The following L3MBTL4 variants were observed in gnomAD, a reference collection of about 807,000 sequenced individuals.
L3MBTL4 encodes the protein L3MBTL histone methyl-lysine binding protein 4.
A neutral mutation model predicts 84.5 loss-of-function variants in L3MBTL4; 70 were observed. The ratio of observed to expected loss-of-function variants is 0.83; its 90% CI spans 0.68 to 1.01. L3MBTL4 has a LOEUF of 1.01. L3MBTL4 is among the 50% of genes least tolerant of loss of function. The probability of loss-of-function intolerance (pLI) is 0.00; values close to 1 mark genes in which losing one functional copy is unlikely to be tolerated. For synonymous variants in L3MBTL4, 274 were observed against 259.8 expected (o/e 1.05, Z -0.52); for missense variants, 715 against 754.8 (o/e 0.95, Z 0.62).
chr18:6,246,711 C>G (rs2047678836), intron 5 of L3MBTL4, among the ~76,000 whole-genome samples: 1 of 152,160 alleles, frequency 6.6e-6, no homozygotes, highest in Admixed American at 6.6e-5. Flanking sequence ...CGAGACCAGC[C>G]TGGCCAACAT....
intron 16 of L3MBTL4, among the ~76,000 whole-genome samples, chr18:5,974,956 T>C (rs928807358): frequency 2.0e-5 from 3 of 151,918 alleles, no homozygotes; most frequent in African/African-American, 7.3e-5. Flanking sequence ...AGAGAAACCC[T>C]GTCTCTATTG....
intron 10 of L3MBTL4, among the ~76,000 whole-genome samples, chr18:6,216,069 TTAAG>T (rs2145831303): frequency 6.6e-6 from 1 of 152,236 alleles, no homozygotes; most frequent in East Asian, 1.9e-4. Context: ...CTCAACAAGG[TTAAG>T]TGAGTTGGCC....
At chr18:6,276,716 T>G (rs1251654354) in intron 4 of L3MBTL4, among the ~76,000 whole-genome samples, 1 of 108,160 alleles carries the variant, frequency 9.2e-6, no homozygotes, top group Non-Finnish European at 1.9e-5. Context: ...AGACAGACAA[T>G]AAACAAGACA....
chr18:6,153,421 T>A (rs2042974659), intron 13 of L3MBTL4, among the ~76,000 whole-genome samples: 1 of 152,230 alleles, frequency 6.6e-6, no homozygotes, highest in Admixed American at 6.5e-5. Context: ...AGCAGGCAGA[T>A]ATTTCACCTC....
rs548149245 is a variant in L3MBTL4 at position 5,997,088 on chromosome 18, A to G, written c.1445-27526T>C. On this transcript the variant is annotated intron_variant, in intron 16 of 18. Coordinates refer to ENST00000317931, the MANE Select transcript of L3MBTL4 (RefSeq NM_001330559.2). ...AACAATAAAAAACATTACAATAGTA[A>G]AAACACTACAAGTAAAAAAGCAATT... Among the ~76,000 whole-genome samples the G allele has an allele frequency of 8.9e-4, 129 of 145,250 alleles. 9 individuals are homozygous for G. The highest frequency in any genetic ancestry group is 3.4e-3 in the African/African-American group (118 of 34,938).
chr18:6,046,009 C>A (rs554881739), intron 16 of L3MBTL4, among the ~76,000 whole-genome samples: 1 of 152,166 alleles, frequency 6.6e-6, no homozygotes, highest in East Asian at 1.9e-4. Flanking sequence ...CACATAATGA[C>A]ACCCACAGAA....
At chr18:6,178,211 A>G (rs61586381) in intron 12 of L3MBTL4, among the ~76,000 whole-genome samples, 9,715 of 152,152 alleles carry the variant, frequency 0.064, 1,075 homozygotes, top group African/African-American at 0.22. Context: ...CATTTCCAGG[A>G]TTGTCTATAA....
chr18:6,322,035 T>C (rs993204972), intron 1 of L3MBTL4, among the ~76,000 whole-genome samples: 1 of 151,714 alleles, frequency 6.6e-6, no homozygotes, highest in Non-Finnish European at 1.5e-5. Flanking sequence ...CTAAAAGCTA[T>C]TGTAATAAAA....
chr18:6,141,578 G>C (rs542987553), intron 13 of L3MBTL4, among the ~76,000 whole-genome samples: 1 of 152,224 alleles, frequency 6.6e-6, no homozygotes, highest in Admixed American at 6.5e-5. Flanking sequence ...CCAGGAGCCT[G>C]GATCCTTGAC....
chr18:5,959,125 T>G (rs1037257711), intron 18 of L3MBTL4, among the ~76,000 whole-genome samples: 6 of 152,180 alleles, frequency 3.9e-5, no homozygotes, highest in African/African-American at 7.2e-5. Flanking sequence ...AGCACTTCCT[T>G]AACTCATGCA....
At chr18:5,992,846 G>A (rs1453205716) in intron 16 of L3MBTL4, among the ~76,000 whole-genome samples, 1 of 152,218 alleles carries the variant, frequency 6.6e-6, no homozygotes, top group African/African-American at 2.4e-5. Context: ...TTCCTGTACA[G>A]CCTGCAGAAC....
At chr18:6,192,729 C>T (rs1245207167) in intron 12 of L3MBTL4, among the ~76,000 whole-genome samples, 1 of 152,104 alleles carries the variant, frequency 6.6e-6, no homozygotes, top group African/African-American at 2.4e-5. Flanking sequence ...TGCAGTTATG[C>T]AGGAGGACCA....
intron 13 of L3MBTL4, among the ~76,000 whole-genome samples, chr18:6,167,718 A>G (rs1361361361): frequency 1.3e-5 from 2 of 152,190 alleles, no homozygotes; most frequent in Non-Finnish European, 2.9e-5. Context: ...CACAGCCAAT[A>G]TCATACTGAA....
At chr18:6,234,230 C>G (rs187073852) in intron 10 of L3MBTL4, among the ~76,000 whole-genome samples, 1 of 152,284 alleles carries the variant, frequency 6.6e-6, no homozygotes, top group East Asian at 1.9e-4. Flanking sequence ...AAAACCTAGG[C>G]AGTACCATTC....
At chr18:6,010,502 G>A (rs950628330) in intron 16 of L3MBTL4, among the ~76,000 whole-genome samples, 7 of 152,092 alleles carry the variant, frequency 4.6e-5, no homozygotes, top group Non-Finnish European at 8.8e-5. Context: ...ATAAATGATC[G>A]CTGTAGTCAG....
chr18:6,151,151 T>C (rs2042877661), intron 13 of L3MBTL4, among the ~76,000 whole-genome samples: 1 of 152,180 alleles, frequency 6.6e-6, no homozygotes, highest in Admixed American at 6.5e-5. Context: ...AGAATTCCAG[T>C]GGCAAGCTTG....
chr18:6,255,285 A>G (rs1229665200), intron 5 of L3MBTL4, among the ~76,000 whole-genome samples: 2 of 152,214 alleles, frequency 1.3e-5, no homozygotes, highest in African/African-American at 4.8e-5. Context: ...AACTGCAGAT[A>G]AGCAGCCTGT....
chr18:6,347,206 A>G (rs2052950859), intron 1 of L3MBTL4, among the ~76,000 whole-genome samples: 1 of 152,028 alleles, frequency 6.6e-6, no homozygotes, highest in African/African-American at 2.4e-5. Flanking sequence ...TAAAGGGTAC[A>G]AAGTTTTAGT....
chr18:6,099,585 A>AATATATAT (rs36091567), intron 14 of L3MBTL4, among the ~76,000 whole-genome samples: 3,751 of 64,716 alleles, frequency 0.058, 1,068 homozygotes, highest in Non-Finnish European at 0.11. Flanking sequence ...AGATAATGTA[A>AATATATAT]ATATATATAT....
Sources: allele counts gnomAD v4.1 joint callset (sites outside exome capture counted in the v4.1 genomes callset), GRCh38; gene constraint gnomAD v4.1.1; transcripts MANE v1.5; gene names NCBI Gene and HGNC (gene_info 2026-07-23, HGNC 2026-07-21).